NTM: variants seen among roughly 807,000 people sequenced by gnomAD.
NTM encodes IgLON family member 2.
NTM carries 13 observed loss-of-function variants against 42.1 expected under a neutral mutation model. The observed-to-expected ratio is 0.31, with a 90% CI of 0.20 to 0.49. The LOEUF (loss-of-function observed/expected upper bound fraction) is 0.49. NTM is among the 20% of genes least tolerant of loss of function. The pLI, the probability that NTM is intolerant of heterozygous loss-of-function variation, is 0.99. For missense variants in NTM, 373 were observed against 452.8 expected (o/e 0.82, Z 1.60); for synonymous variants, 187 against 179.2 (o/e 1.04, Z -0.35).
chr11:131,816,202 T>C (rs2092944499), intron 1 of NTM, among the ~76,000 whole-genome samples: 1 of 152,200 alleles, frequency 6.6e-6, no homozygotes, highest in Non-Finnish European at 1.5e-5. Flanking sequence ...AGTGAATCCA[T>C]GGAGGGAAAC....
At chr11:131,876,615 C>T (rs988294259) in intron 1 of NTM, among the ~76,000 whole-genome samples, 6 of 152,196 alleles carry the variant, frequency 3.9e-5, no homozygotes, top group Non-Finnish European at 5.9e-5. Flanking sequence ...CAGAAGACAA[C>T]GTTTTGTTTT....
chr11:131,597,373 ACTTGCGCTG>A (rs1592163731), intron 1 of NTM, among the ~76,000 whole-genome samples: 1 of 151,432 alleles, frequency 6.6e-6, no homozygotes, highest in African/African-American at 2.4e-5. Flanking sequence ...CCCTGCCTCC[ACTTGCGCTG>A]CTTTCCCCAC....
intron 4 of NTM, among the ~76,000 whole-genome samples, chr11:132,305,354 A>G (rs375149203): frequency 4.6e-5 from 7 of 152,332 alleles, no homozygotes; most frequent in Admixed American, 1.3e-4. Context: ...CTGAGGTCCT[A>G]TCAGTCCCTG....
chr11:131,511,912 A>G (rs1370946295), intron 1 of NTM, among the ~76,000 whole-genome samples: 3 of 152,162 alleles, frequency 2.0e-5, no homozygotes, highest in Non-Finnish European at 4.4e-5. Flanking sequence ...GAGCCTGTCC[A>G]CACCTGGGAT....
intron 1 of NTM, among the ~76,000 whole-genome samples, chr11:131,686,978 G>A (rs1332596055): frequency 6.6e-6 from 1 of 152,170 alleles, no homozygotes; most frequent in Non-Finnish European, 1.5e-5. Flanking sequence ...AGGGTGTGGG[G>A]GCAGCGGAGC....
Position 132,193,800 on chromosome 11 carries a change from T to C in NTM, c.401-18222T>C, listed in dbSNP as rs550401337. ...AAAGGTGACATTACAACCAACCCCA[T>C]AGAAATACAAAAACTACTCAGAGAC... On this transcript the variant is annotated intron_variant, in intron 3 of 8. Coordinates refer to ENST00000683400, the MANE Select transcript of NTM (RefSeq NM_001352005.2). Among the ~76,000 whole-genome samples, 11 of 151,900 alleles carry C rather than the reference T, an allele frequency of 7.2e-5. No homozygotes were observed. In the South Asian group the frequency reaches 1.5e-3, roughly 20 times the overall value.
chr11:132,269,923 G>T (rs1810210690), intron 4 of NTM, among the ~76,000 whole-genome samples: 1 of 152,166 alleles, frequency 6.6e-6, no homozygotes, highest in Admixed American at 6.5e-5. Flanking sequence ...ACATTTTAAG[G>T]TTGATGACTT....
chr11:131,465,792 C>T (rs1951825004), intron 1 of NTM, among the ~76,000 whole-genome samples: 1 of 149,616 alleles, frequency 6.7e-6, no homozygotes. Flanking sequence ...CTCGGTTCTG[C>T]AGGGCCATGT....
At chr11:132,122,417 T>C (rs1178532068) in intron 2 of NTM, among the ~76,000 whole-genome samples, 1 of 152,184 alleles carries the variant, frequency 6.6e-6, no homozygotes, top group Non-Finnish European at 1.5e-5. Context: ...CCTGGGGCTG[T>C]TAAAGTCAAA....
intron 7 of NTM, among the ~76,000 whole-genome samples, chr11:132,328,293 G>A (rs1054956163): frequency 3.3e-5 from 5 of 152,164 alleles, no homozygotes; most frequent in Non-Finnish European, 5.9e-5. Context: ...CTAGTTGACT[G>A]GAAAGGTTGA....
At chr11:131,800,402 C>T (rs2092001003) in intron 1 of NTM, among the ~76,000 whole-genome samples, 1 of 152,222 alleles carries the variant, frequency 6.6e-6, no homozygotes, top group Non-Finnish European at 1.5e-5. Context: ...CCCTTCCTGG[C>T]CCCAAGGCTC....
chr11:131,475,598 G>A (rs781595461), intron 1 of NTM, among the ~76,000 whole-genome samples: 8 of 152,076 alleles, frequency 5.3e-5, no homozygotes, highest in Non-Finnish European at 1.0e-4. Flanking sequence ...GATCTAGTAA[G>A]TTAGGATTCA....
intron 1 of NTM, among the ~76,000 whole-genome samples, chr11:131,828,446 A>G (rs957105442): frequency 6.6e-6 from 1 of 151,992 alleles, no homozygotes; most frequent in Non-Finnish European, 1.5e-5. Context: ...CACAACTTTC[A>G]TCTACATTGC....
chr11:131,630,776 T>G (rs927619728), intron 1 of NTM, among the ~76,000 whole-genome samples: 45 of 152,218 alleles, frequency 3.0e-4, no homozygotes, highest in African/African-American at 1.1e-3. Flanking sequence ...TTATCTGTAT[T>G]GCAGCTCCAG....
chr11:131,713,946 T>C (rs1326169563), intron 1 of NTM, among the ~76,000 whole-genome samples: 1 of 152,234 alleles, frequency 6.6e-6, no homozygotes, highest in Non-Finnish European at 1.5e-5. Context: ...CTTTGTTACG[T>C]TGGCATTCCG....
intron 1 of NTM, among the ~76,000 whole-genome samples, chr11:131,409,954 G>A (rs1472054917): frequency 6.6e-6 from 1 of 152,098 alleles, no homozygotes; most frequent in Non-Finnish European, 1.5e-5. Flanking sequence ...ATACAAAAAA[G>A]CAAGGAAGAT....
At chr11:131,430,870 G>C (rs1415302415) in intron 1 of NTM, among the ~76,000 whole-genome samples, 1 of 152,220 alleles carries the variant, frequency 6.6e-6, no homozygotes, top group African/African-American at 2.4e-5. Flanking sequence ...TCCTGGCAGC[G>C]TTCTGCGGGC....
chr11:132,196,044 A>G lies in NTM; in HGVS notation c.401-15978A>G, dbSNP rs554998819. On this transcript the variant is annotated intron_variant, in intron 3 of 8. Coordinates refer to ENST00000683400, the MANE Select transcript of NTM (RefSeq NM_001352005.2). Reference sequence around the variant, plus strand: ...GAATGGAAGAAAATATTCATCAACTATGCATCCATCAAAGGTCTAATGTCC... The same window carrying G: ...GAATGGAAGAAAATATTCATCAACTGTGCATCCATCAAAGGTCTAATGTCC... Among the ~76,000 whole-genome samples the G allele has an allele frequency of 1.1e-4, 16 of 152,318 alleles. 1 individual carries two copies. The highest frequency in any genetic ancestry group is 1.0e-3 in the South Asian group (5 of 4,834).
At chr11:132,152,112 A>G (rs186275582) in intron 3 of NTM, among the ~76,000 whole-genome samples, 21 of 152,342 alleles carry the variant, frequency 1.4e-4, no homozygotes, top group African/African-American at 3.8e-4. Context: ...CCCACTCTGA[A>G]TCTGAACTGA....
Sources: allele counts gnomAD v4.1 joint callset (sites outside exome capture counted in the v4.1 genomes callset), GRCh38; gene constraint gnomAD v4.1.1; transcripts MANE v1.5; gene names NCBI Gene and HGNC (gene_info 2026-07-23, HGNC 2026-07-21).